Variants in LGI4 observed in about 807,000 individuals in gnomAD.
LGI4 encodes the protein leucine rich repeat LGI family member 4, also known as leucine-rich repeat LGI family member 4.
A neutral mutation model predicts 48.3 loss-of-function variants in LGI4; 36 were observed. The ratio of observed to expected loss-of-function variants is 0.75; its 90% CI spans 0.57 to 0.98. The LOEUF is 0.98. LGI4 is among the 50% of genes least tolerant of loss of function. The probability of loss-of-function intolerance (pLI) is 0.00; values close to 1 mark genes in which losing one functional copy is unlikely to be tolerated. For synonymous variants in LGI4, 355 were observed against 331.6 expected (o/e 1.07, Z -0.77); for missense variants, 701 against 732.1 (o/e 0.96, Z 0.49).
chr19:35,129,581 G>A (rs1408882401), intron 6 of LGI4, among the ~76,000 whole-genome samples: 1 of 152,160 alleles, frequency 6.6e-6, no homozygotes, highest in African/African-American at 2.4e-5. Flanking sequence ...GTGTTTGCAG[G>A]CAGTATGCTT....
At chr19:35,131,631 G>A (rs1323140762) in intron 5 of LGI4, 76 bp from the exon 6 acceptor site, 10 of 1,504,600 alleles carry the variant, frequency 6.6e-6, no homozygotes, top group Non-Finnish European at 8.1e-6. Flanking sequence ...CCCACCTCAG[G>A]CAAGTGTCCC....
intron 1 of LGI4, 115 bp downstream of exon 1, chr19:35,134,396 C>G (rs1434908574): frequency 9.0e-7 from 1 of 1,105,570 alleles, no homozygotes; most frequent in East Asian, 2.6e-5. Context: ...TGCTGCCCAT[C>G]TCCTGAGATC....
intron 3 of LGI4, among the ~76,000 whole-genome samples, chr19:35,133,041 G>A (rs1239752918): frequency 3.3e-5 from 5 of 151,912 alleles, no homozygotes; most frequent in African/African-American, 4.8e-5. Flanking sequence ...TCACAGACAC[G>A]AGCCCCAAGA....
chr19:35,134,734 C>T lies in LGI4; in HGVS notation c.-54G>A, dbSNP rs1230890423. On this transcript the variant is annotated 5_prime_UTR_variant, in exon 1 of 9. Coordinates refer to ENST00000310123, the MANE Select transcript of LGI4 (RefSeq NM_139284.3). ...TTCTCCCGGCCCACCCAGCTCAGCCCAGGCCACTACGTCTCCTCCTCCACC... is the reference window on the plus strand; with the variant it reads ...TTCTCCCGGCCCACCCAGCTCAGCCTAGGCCACTACGTCTCCTCCTCCACC... 7 of 984,162 alleles carry T rather than the reference C, an allele frequency of 7.1e-6. No homozygotes were observed. In the Admixed American group the frequency reaches 1.4e-4, roughly 19 times the overall value. 61.0% of individuals were successfully genotyped at this position (984,162 alleles called of 1,614,324 possible).
Position 35,131,212 on chromosome 19 carries a change from G to A in LGI4, c.628+174C>T, listed in dbSNP as rs891033198. On this transcript the variant is annotated intron_variant, in intron 6 of 8. Transcript: ENST00000310123. ...ATTCCCATGGCACTCCTATATCACT[G>A]TTTATTACCCCCACTTTACAGATGA... 20 of 787,226 alleles carry A rather than the reference G, an allele frequency of 2.5e-5. 1 individual carries two copies. In the African/African-American group the frequency reaches 2.6e-4, roughly 10 times the overall value. The allele number at this position is 787,226 out of a possible 1,614,324, so 48.8% of individuals were successfully genotyped here.
At chr19:35,133,343 T>C (rs2065187919) in intron 3 of LGI4, 1 of 1,117,582 alleles carries the variant, frequency 8.9e-7, no homozygotes, top group Non-Finnish European at 1.1e-6. Flanking sequence ...TTCCTGGTCA[T>C]TTGAAACGTT....
intron 6 of LGI4, among the ~76,000 whole-genome samples, chr19:35,129,924 G>A (rs1000550566): frequency 4.6e-5 from 7 of 152,150 alleles, no homozygotes; most frequent in African/African-American, 9.7e-5. Context: ...ATAGAAAACC[G>A]CCTTATGGCT....
chr19:35,126,341 A>T lies in LGI4; in HGVS notation c.1228T>A (p.Tyr410Asn). Residue 410 changes from tyrosine (Y) to asparagine (N), a missense_variant, in exon 8 of 9, where the codon TAT (tyrosine) becomes AAT (asparagine). Transcript: ENST00000310123. ...CCAGCCTGGAAGTGGCGTGTGGCAT[A>T]GACATCCTCGGCCTCGGGGATGTCT... ...RTDIPEAEDV[Y>N]ATRHFQAGGD... is the part of the protein sequence containing the mutation. 6.2e-7 allele frequency: 1 copy of T among 1,611,810 alleles called. No individual in the cohort carries two copies. Among genetic ancestry groups the T allele is most frequent in the Non-Finnish European group, 8.5e-7 (1 of 1,179,516 alleles).
At position 35,125,393 on chromosome 19, in the gene LGI4, C is replaced by T. The variant is rs748218255; in HGVS notation, c.1414G>A (p.Asp472Asn). ...ARDQLAILGS[D>N]FAFSQVLRLE... ...CGGAGGACCTGGCTGAAGGCGAAGT[C>T]GCTGCCTAGGATGGCCAGCTGGTCC... The change falls in exon 9 of 9, where the codon GAC becomes AAC. Residue 472 changes from aspartate to asparagine, a missense_variant. By Grantham distance (23) the Asp-to-Asn change is conservative (BLOSUM62 1). This residue lies in a region of LGI4 where 223 missense variants were observed against 263.3 expected (regional missense o/e 0.85). Transcript: ENST00000310123. 5 of 1,612,380 alleles carry T rather than the reference C, an allele frequency of 3.1e-6. No homozygotes were observed. Among genetic ancestry groups the T allele is most frequent in the Non-Finnish European group, 4.2e-6 (5 of 1,179,156 alleles).
intron 3 of LGI4, among the ~76,000 whole-genome samples, chr19:35,132,474 A>T (rs2065182670): frequency 6.9e-6 from 1 of 145,654 alleles, no homozygotes; most frequent in South Asian, 2.2e-4. Context: ...CACCCACACC[A>T]CCACATTACC....
At position 35,125,127 on chromosome 19, in the gene LGI4, A is replaced by C; in HGVS notation, c.*66T>G. On this transcript the variant is annotated 3_prime_UTR_variant, in exon 9 of 9. Coordinates refer to ENST00000310123, the MANE Select transcript of LGI4 (RefSeq NM_139284.3). Reference sequence around the variant, plus strand: ...TCACAGGCGGGCCATCACCCCAAGTAGGGCCAGGAGCCAGCCAAGGGGCCG... The same window carrying C: ...TCACAGGCGGGCCATCACCCCAAGTCGGGCCAGGAGCCAGCCAAGGGGCCG... The C allele has an allele frequency of 7.2e-7, 1 of 1,392,990 alleles. No homozygotes were observed. The highest frequency in any genetic ancestry group is 9.7e-7 in the Non-Finnish European group (1 of 1,035,694). The allele number at this position is 1,392,990 out of a possible 1,614,324, so 86.3% of individuals were successfully genotyped here.
chr19:35,131,584 G>T, intron 5 of LGI4, 29 bp from the exon 6 acceptor site: 7 of 1,543,422 alleles, frequency 4.5e-6, no homozygotes, highest in Non-Finnish European at 5.2e-6. Flanking sequence ...GAGGGGCTGC[G>T]ACCCGGCTTC....
At position 35,126,940 on chromosome 19, in the gene LGI4, C is replaced by T. The variant is rs759009916; in HGVS notation, c.706G>A (p.Val236Met). The change falls in exon 7 of 9, where the codon GTG (valine) becomes ATG (methionine). Residue 236 changes from valine (V) to methionine (M), a missense_variant. Physicochemically the swap from Val to Met is conservative, Grantham distance 21 (BLOSUM62 1). This residue lies in a region of LGI4 where 462 missense variants were observed against 436.4 expected (regional missense o/e 1.06). Coordinates refer to ENST00000310123, the MANE Select transcript of LGI4 (RefSeq NM_139284.3). ...PFSYQGEPHI[V>M]LAQPFAGRCL... ...CGGCCGGCGAAGGGCTGTGCCAGCA[C>T]AATGTGAGGCTCCCCTTGGTAGGAG... 1 of 1,613,812 alleles carries T rather than the reference C, an allele frequency of 6.2e-7. No homozygotes were observed. The highest frequency in any genetic ancestry group is 8.5e-7 in the Non-Finnish European group (1 of 1,179,934).
At position 35,126,979 on chromosome 19, in the gene LGI4, T is replaced by C; in HGVS notation, c.667A>G (p.Ser223Gly). The C allele has an allele frequency of 6.2e-7, 1 of 1,609,726 alleles. No homozygotes were observed. The highest frequency in any genetic ancestry group is 8.5e-7 in the Non-Finnish European group (1 of 1,177,210). ...WFQTVGESALSVEPFSYQGEP... is the reference protein window; with the variant it reads ...WFQTVGESALGVEPFSYQGEP... ...CCTTGGTAGGAGAAGGGCTCTACGC[T>C]CAGTGCCGACTCCCCCACCGTCTGG... The change falls in exon 7 of 9, where the codon AGC (serine) becomes GGC (glycine). Residue 223 changes from serine (S) to glycine (G), a missense_variant. Physicochemically the swap from Ser to Gly is moderately conservative, Grantham distance 56. This residue lies in a region of LGI4 where 462 missense variants were observed against 436.4 expected (regional missense o/e 1.06). Coordinates refer to ENST00000310123, the MANE Select transcript of LGI4 (RefSeq NM_139284.3).
intron 3 of LGI4, among the ~76,000 whole-genome samples, chr19:35,132,480 T>C (rs2065182760): frequency 6.7e-6 from 1 of 150,322 alleles, no homozygotes; most frequent in Non-Finnish European, 1.5e-5. Context: ...CACCACCACA[T>C]TACCTCCAGC....
Position 35,126,254 on chromosome 19 carries a change from C to G in LGI4, c.1299+16G>C, listed in dbSNP as rs2065135453. On this transcript the variant is annotated intron_variant, in intron 8 of 8. Transcript: ENST00000310123. ...GTGCTGAAAAGCCAGCCCCCCGCCC[C>G]CAGGCCCAGCCTCACCATGGAGTCC... 6.2e-7 allele frequency: 1 copy of G among 1,608,926 alleles called. No individual in the cohort carries two copies. Among genetic ancestry groups the G allele is most frequent in the Non-Finnish European group, 8.5e-7 (1 of 1,178,044 alleles).
At chr19:35,133,392 A>G (rs911620286) in intron 3 of LGI4, 4 of 1,228,156 alleles carry the variant, frequency 3.3e-6, no homozygotes, top group Admixed American at 4.2e-5. Flanking sequence ...CTGGGTTTCT[A>G]TGAGTCAGGG....
At position 35,126,838 on chromosome 19, in the gene LGI4, G is replaced by A. The variant is rs1219658151; in HGVS notation, c.793+15C>T. On this transcript the variant is annotated intron_variant, in intron 7 of 8. Transcript: ENST00000310123. ...CAGGCTGCTGGACAGGCAGAAGGACGGGGAGGGGGCTCACCGGGCAGCTCT... is the reference window on the plus strand; with the variant it reads ...CAGGCTGCTGGACAGGCAGAAGGACAGGGAGGGGGCTCACCGGGCAGCTCT... 68 of 1,606,402 alleles carry A rather than the reference G, an allele frequency of 4.2e-5. No homozygotes were observed. Among genetic ancestry groups the A allele is most frequent in the Non-Finnish European group, 5.5e-5 (65 of 1,178,292 alleles).
chr19:35,134,530 A>G lies in LGI4; in HGVS notation c.151T>C (p.Ser51Pro). ...ACTCACAGTGACAGCAGGGTCGGAG[A>G]GAAGCTGACGGGCAGGTCCGGGGAG... The part of the protein sequence containing the change: ...EGSPDLPVSF[S>P]PTLLSLSLVR... Residue 51 changes from serine to proline, a missense_variant, in exon 1 of 9, where the codon TCT becomes CCT. Physicochemically the swap from Ser to Pro is moderately conservative, Grantham distance 74. Coordinates refer to ENST00000310123, the MANE Select transcript of LGI4 (RefSeq NM_139284.3). 6.3e-7 allele frequency: 1 copy of G among 1,584,502 alleles called. No homozygotes were observed. Among genetic ancestry groups the G allele is most frequent in the Non-Finnish European group, 8.6e-7 (1 of 1,165,978 alleles).
Sources: allele counts gnomAD v4.1 joint callset (sites outside exome capture counted in the v4.1 genomes callset), GRCh38; gene constraint gnomAD v4.1.1; regional missense constraint gnomAD v4.1.1; transcripts MANE v1.5; gene names NCBI Gene and HGNC (gene_info 2026-07-23, HGNC 2026-07-21).